The following FAT3 variants were observed in gnomAD, a reference collection of about 807,000 sequenced individuals.
FAT3 encodes the protein protocadherin Fat 3.
Under a neutral mutation model 310.2 loss-of-function variants are expected in FAT3, and 95 were observed. The observed-to-expected ratio is 0.31, with a 90% CI of 0.26 to 0.36. FAT3 has a LOEUF of 0.36. Ranked by LOEUF, FAT3 falls within the 10% of genes least tolerant of loss-of-function variation. The pLI is 1.00. For synonymous variants in FAT3, 2,314 were observed against 2,192.9 expected (o/e 1.06, Z -1.54); for missense variants, 5,408 against 5,715.6 (o/e 0.95, Z 1.74).
At chr11:92,515,411 A>G (rs75650114) in intron 2 of FAT3, among the ~76,000 whole-genome samples, 1,615 of 152,268 alleles carry the variant, frequency 0.011, 30 homozygotes, top group African/African-American at 0.037. Context: ...TACATTCGGT[A>G]TGGAAAACAT....
chr11:92,800,876 A>C lies in FAT3; in HGVS notation c.7863A>C (p.Gln2621His). Residue 2621 changes from glutamine to histidine, a missense_variant, in exon 10 of 28, where the codon CAA (glutamine) becomes CAC (histidine). Physicochemically the swap from Gln to His is conservative, Grantham distance 24. Coordinates refer to ENST00000525166, the MANE Select transcript of FAT3 (RefSeq NM_001367949.2). ...TTGGAAGGGGCCACTTGGTCACTCA[A>C]GTTCAAGCCATAGATCCCGATGATG... ...ADVGRGHLVT[Q>H]VQAIDPDDGA... 6.2e-7 allele frequency: 1 copy of C among 1,613,278 alleles called. No individual in the cohort carries two copies. The highest frequency in any genetic ancestry group is 8.5e-7 in the Non-Finnish European group (1 of 1,179,638).
intron 12 of FAT3, among the ~76,000 whole-genome samples, chr11:92,809,628 A>G (rs916104793): frequency 6.6e-6 from 1 of 152,252 alleles, no homozygotes; most frequent in African/African-American, 2.4e-5. Flanking sequence ...TTTGAAGGTC[A>G]CACAGCTGTT....
chr11:92,794,421 A>C (rs1381825813), intron 9 of FAT3, among the ~76,000 whole-genome samples: 1 of 151,936 alleles, frequency 6.6e-6, no homozygotes, highest in African/African-American at 2.4e-5. Flanking sequence ...ATAGGGTTTT[A>C]TTTCTACTTT....
intron 7 of FAT3, among the ~76,000 whole-genome samples, chr11:92,780,126 G>A (rs1402617403): frequency 1.6e-4 from 24 of 148,226 alleles, no homozygotes; most frequent in Admixed American, 1.6e-3. Context: ...GATAATCAGT[G>A]TTTTAAGCTT....
At chr11:92,467,044 T>G (rs1376942267) in intron 2 of FAT3, among the ~76,000 whole-genome samples, 1 of 152,126 alleles carries the variant, frequency 6.6e-6, no homozygotes, top group Non-Finnish European at 1.5e-5. Context: ...AATAAACACG[T>G]GTGCATGTGT....
intron 4 of FAT3, among the ~76,000 whole-genome samples, chr11:92,731,743 G>A (rs1857284070): frequency 6.6e-6 from 1 of 151,670 alleles, no homozygotes; most frequent in South Asian, 2.1e-4. Flanking sequence ...ACCCCCCAAG[G>A]GCACAGTTAG....
At chr11:92,446,805 G>A (rs1466660251) in intron 2 of FAT3, among the ~76,000 whole-genome samples, 2 of 152,120 alleles carry the variant, frequency 1.3e-5, no homozygotes, top group Non-Finnish European at 2.9e-5. Flanking sequence ...ATCATTGAAA[G>A]TGGAAATGAG....
rs776659561 is a variant in FAT3, at chr11:92,348,642, C to T, written c.-17-3454C>T. On this transcript the variant is annotated intron_variant, in intron 1 of 27. Coordinates refer to ENST00000525166, the MANE Select transcript of FAT3 (RefSeq NM_001367949.2). Reference sequence around the variant, plus strand: ...AAATTTTAATGTAACTTAATGAAAACTAATTCAATTGAAGCGTGTTTCAGT... The same window carrying T: ...AAATTTTAATGTAACTTAATGAAAATTAATTCAATTGAAGCGTGTTTCAGT... Among the ~76,000 whole-genome samples the T allele has an allele frequency of 3.9e-5, 6 of 152,100 alleles. No individual in the cohort carries two copies. The South Asian group carries it at 1.2e-3, about 32-fold the overall frequency.
intron 27 of FAT3, 115 bp downstream of exon 27, chr11:92,890,006 G>T (rs1949880492): frequency 1.4e-6 from 1 of 715,754 alleles, no homozygotes; most frequent in East Asian, 2.7e-5. Flanking sequence ...TGTCTCAGGT[G>T]TCTCGTGCGC....
chr11:92,824,209 T>C (rs1731376284), intron 13 of FAT3, among the ~76,000 whole-genome samples: 2 of 151,878 alleles, frequency 1.3e-5, no homozygotes, highest in Non-Finnish European at 2.9e-5. Flanking sequence ...ATACAAAAAT[T>C]AGCCGGGCAT....
chr11:92,554,111 T>C (rs1160303675), intron 3 of FAT3, among the ~76,000 whole-genome samples: 1 of 151,930 alleles, frequency 6.6e-6, no homozygotes, highest in Non-Finnish European at 1.5e-5. Flanking sequence ...CAGCTCCCTG[T>C]TTCTTTGTTA....
At chr11:92,521,179 A>G (rs906383506) in intron 2 of FAT3, among the ~76,000 whole-genome samples, 2 of 152,106 alleles carry the variant, frequency 1.3e-5, no homozygotes, top group African/African-American at 2.4e-5. Flanking sequence ...ATACGTGGAA[A>G]TGTAGGCATG....
intron 1 of FAT3, among the ~76,000 whole-genome samples, chr11:92,294,745 C>T (rs1946803926): frequency 6.7e-6 from 1 of 150,266 alleles, no homozygotes. Flanking sequence ...CATGGAGATC[C>T]TTCACTCCAT....
At chr11:92,740,980 C>T (rs1036083039) in intron 4 of FAT3, among the ~76,000 whole-genome samples, 1 of 152,034 alleles carries the variant, frequency 6.6e-6, no homozygotes, top group Non-Finnish European at 1.5e-5. Context: ...CTTATCCTGC[C>T]CTAGGCACCA....
chr11:92,281,225 G>A (rs1025631951), intron 1 of FAT3, among the ~76,000 whole-genome samples: 1 of 152,124 alleles, frequency 6.6e-6, no homozygotes, highest in East Asian at 1.9e-4. Context: ...CTCTCTGTAT[G>A]TTAAGTGGGG....
At chr11:92,346,527 T>C (rs542907072) in intron 1 of FAT3, among the ~76,000 whole-genome samples, 111 of 152,330 alleles carry the variant, frequency 7.3e-4, no homozygotes, top group South Asian at 1.2e-3. Context: ...GGTCCCTCTC[T>C]GGACCCTTTA....
At chr11:92,395,477 C>T (rs764810140) in intron 2 of FAT3, among the ~76,000 whole-genome samples, 7 of 152,130 alleles carry the variant, frequency 4.6e-5, no homozygotes, top group Non-Finnish European at 7.4e-5. Context: ...GAGAGTTCAG[C>T]ACTACAGCCT....
At chr11:92,804,016 G>A (rs946427710) in intron 10 of FAT3, among the ~76,000 whole-genome samples, 1 of 152,164 alleles carries the variant, frequency 6.6e-6, no homozygotes, top group Non-Finnish European at 1.5e-5. Flanking sequence ...GTAGGACCCC[G>A]ATATTTGCCC....
At chr11:92,795,948 T>C (rs1331964877) in intron 9 of FAT3, among the ~76,000 whole-genome samples, 1 of 152,068 alleles carries the variant, frequency 6.6e-6, no homozygotes, top group Non-Finnish European at 1.5e-5. Flanking sequence ...AAAAGCTGGC[T>C]CCCTGCCATC....
Sources: allele counts gnomAD v4.1 joint callset (sites outside exome capture counted in the v4.1 genomes callset), GRCh38; gene constraint gnomAD v4.1.1; transcripts MANE v1.5; gene names NCBI Gene and HGNC (gene_info 2026-07-23, HGNC 2026-07-21).